The following ANK2 variants were observed in gnomAD, a reference collection of about 807,000 sequenced individuals.
The protein encoded by ANK2 is ankyrin-2.
In ANK2, 83 loss-of-function variants were observed where a neutral mutation model predicts 360.5. The ratio of observed to expected loss-of-function variants is 0.23; its 90% CI spans 0.19 to 0.28. ANK2 has a LOEUF of 0.28. Ranked by LOEUF, ANK2 falls within the 10% of genes least tolerant of loss-of-function variation. The pLI, the probability that ANK2 is intolerant of heterozygous loss-of-function variation, is 1.00. For synonymous variants in ANK2, 1,740 were observed against 1,759.5 expected (o/e 0.99, Z 0.28); for missense variants, 4,201 against 4,795.7 (o/e 0.88, Z 3.66).
At chr4:113,289,743 T>C (rs1029600958) in intron 20 of ANK2, among the ~76,000 whole-genome samples, 4 of 152,254 alleles carry the variant, frequency 2.6e-5, no homozygotes, top group African/African-American at 9.6e-5. Flanking sequence ...ACTATTAACA[T>C]TTAAGATTTA....
At position 113,049,739 on chromosome 4, in the gene ANK2, A is replaced by ACTC; in HGVS notation, c.11_12insCTC (p.Glu4delinsAspSer). The ACTC allele has an allele frequency of 6.2e-7, 1 of 1,613,570 alleles. No homozygotes were observed. Among genetic ancestry groups the ACTC allele is most frequent in the Non-Finnish European group, 8.5e-7 (1 of 1,179,654 alleles). On this transcript the variant is annotated protein_altering_variant, in exon 1 of 46. Transcript: ENST00000357077. ...TCCAAACTGTTCAAAATGATGAACG[A>ACTC]AGATGCAGCTCAGAAAAGCGACAGT... is the stretch of plus-strand genomic sequence containing the variant.
chr4:113,372,605 C>T (rs190818207), intron 43 of ANK2: 42 of 1,535,652 alleles, frequency 2.7e-5, no homozygotes, highest in East Asian at 4.9e-5. Context: ...CAGGGTTGTC[C>T]GCCGGCGAGT....
Position 113,359,015 on chromosome 4 carries a change from A to C in ANK2, c.10397A>C (p.His3466Pro), listed in dbSNP as rs1589060809. Reference protein sequence around the residue: ...GTSPTKESKEHFFDLYRNSIE... With the variant: ...GTSPTKESKEPFFDLYRNSIE... ...AGCCCCACAAAAGAAAGTAAGGAGC[A>C]TTTCTTTGACCTTTACAGAAATTCC... Residue 3466 changes from histidine to proline, a missense_variant, in exon 38 of 46, where the codon CAT becomes CCT. Coordinates refer to ENST00000357077, the MANE Select transcript of ANK2 (RefSeq NM_001148.6). 4 of 1,614,122 alleles carry C rather than the reference A, an allele frequency of 2.5e-6. No individual in the cohort carries two copies. The highest frequency in any genetic ancestry group is 3.4e-6 in the Non-Finnish European group (4 of 1,179,968).
At position 113,021,541 on chromosome 4, in the gene ANK2, C is replaced by CACACACACACACATATATATATAT. The variant is rs1489947974; in HGVS notation, c.21+117028_21+117029insCACACACACACATATATATATATA. On this transcript the variant is annotated intron_variant, in intron 2 of 30. Coordinates refer to the ANK2 transcript ENST00000503271. ...ATACACACACACACCCACACACAAA[C>CACACACACACACATATATATATAT]ATATATATATATATATATATATATA... Among the ~76,000 whole-genome samples the CACACACACACACATATATATATAT allele has an allele frequency of 4.7e-3, 449 of 95,578 alleles. 62 individuals are homozygous for CACACACACACACATATATATATAT. Among genetic ancestry groups the CACACACACACACATATATATATAT allele is most frequent in the Middle Eastern group, 0.012 (2 of 170 alleles). The allele number at this position is 95,578 out of a possible 152,430, so 62.7% of individuals were successfully genotyped here.
chr4:112,873,758 A>C, intron 1 of ANK2, among the ~76,000 whole-genome samples: 1 of 148,494 alleles, frequency 6.7e-6, no homozygotes, highest in Non-Finnish European at 1.5e-5. Context: ...GTTAGCCAGG[A>C]TGGTCTTGAT....
intron 1 of ANK2, chr4:113,117,311 A>G (rs998748892): frequency 2.2e-5 from 10 of 456,066 alleles, no homozygotes; most frequent in Middle Eastern, 3.2e-4. Context: ...TGCTGCTTCT[A>G]TTAAAAAAGT....
At chr4:113,145,784 C>T in intron 1 of ANK2, 2 of 1,242,478 alleles carry the variant, frequency 1.6e-6, no homozygotes, top group Non-Finnish European at 2.1e-6. Flanking sequence ...TGATGAATTG[C>T]CCACATTAGT....
chr4:113,301,047 CT>C (rs1448608082), intron 22 of ANK2, among the ~76,000 whole-genome samples: 1 of 152,178 alleles, frequency 6.6e-6, no homozygotes, highest in East Asian at 1.9e-4. Context: ...TCATTATAGC[CT>C]TTCAAACAAT....
chr4:112,807,310 T>C, the ANK2 span, among the ~76,000 whole-genome samples: 3 of 152,224 alleles, frequency 2.0e-5, no homozygotes, highest in Admixed American at 1.3e-4. Flanking sequence ...AGATTTCATA[T>C]TGTTTTTAAG....
intron 1 of ANK2, among the ~76,000 whole-genome samples, chr4:113,165,857 T>C (rs757970477): frequency 2.0e-5 from 3 of 152,174 alleles, no homozygotes; most frequent in Non-Finnish European, 4.4e-5. Context: ...AGTTTTAACA[T>C]GGACCTCAAA....
chr4:113,001,718 T>C (rs1415236011), intron 2 of ANK2, among the ~76,000 whole-genome samples: 1 of 152,164 alleles, frequency 6.6e-6, no homozygotes, highest in Non-Finnish European at 1.5e-5. Context: ...CCCTTCTATA[T>C]GACAGTTAGG....
intron 1 of ANK2, among the ~76,000 whole-genome samples, chr4:113,052,873 TCTGGGGATGGGGTACTC>T (rs1195470027): frequency 6.6e-6 from 1 of 152,188 alleles, no homozygotes; most frequent in Non-Finnish European, 1.5e-5. Flanking sequence ...GGTGGCTCAC[TCTGGGGATGGGGTACTC>T]CCAGAAAGCA....
chr4:113,256,780 T>C lies in ANK2; in HGVS notation c.1188+848T>C, dbSNP rs29427. 2.8e-3 allele frequency among the ~76,000 whole-genome samples: 426 copies of C among 152,346 alleles called. 4 individuals are homozygous for C. Among genetic ancestry groups the C allele is most frequent in the African/African-American group, 9.7e-3 (404 of 41,584 alleles). On this transcript the variant is annotated intron_variant, in intron 11 of 45. Coordinates refer to ENST00000357077, the MANE Select transcript of ANK2 (RefSeq NM_001148.6). ...CATTAGAATCATCAAATATTAAATA[T>C]GATTTTTACAAGAATTTTTCCATTG...
At chr4:112,848,093 C>G (rs940260543) in intron 1 of ANK2, among the ~76,000 whole-genome samples, 11 of 152,118 alleles carry the variant, frequency 7.2e-5, no homozygotes, top group African/African-American at 2.2e-4. Flanking sequence ...CCTTAGTTTC[C>G]TCATCAGAAA....
At chr4:112,757,134 C>T in the ANK2 span, among the ~76,000 whole-genome samples, 17 of 121,686 alleles carry the variant, frequency 1.4e-4, no homozygotes, top group Non-Finnish European at 2.2e-4. Context: ...TTTTTTGATA[C>T]GGAGTTTTGC....
At chr4:113,260,737 A>G (rs2052375959) in intron 13 of ANK2, among the ~76,000 whole-genome samples, 1 of 152,212 alleles carries the variant, frequency 6.6e-6, no homozygotes. Context: ...GCAATCCTAC[A>G]TTTAGAGGAA....
At chr4:113,159,761 C>CCACG (rs1036052184) in intron 1 of ANK2, among the ~76,000 whole-genome samples, 35 of 148,738 alleles carry the variant, frequency 2.4e-4, no homozygotes, top group Non-Finnish European at 6.0e-5. Context: ...GCACCCACCA[C>CCACG]CACGCCCGGC....
At chr4:113,309,881 A>G (rs1161588091) in intron 23 of ANK2, among the ~76,000 whole-genome samples, 2 of 152,180 alleles carry the variant, frequency 1.3e-5, no homozygotes, top group African/African-American at 4.8e-5. Flanking sequence ...ATATTTGATT[A>G]AAAATATATT....
At chr4:113,339,465 T>A in intron 32 of ANK2, 143 bp downstream of exon 32, 1 of 711,376 alleles carries the variant, frequency 1.4e-6, no homozygotes, top group Non-Finnish European at 2.4e-6. Flanking sequence ...TTTTATATTT[T>A]AAACTAGATC....
Sources: allele counts gnomAD v4.1 joint callset (sites outside exome capture counted in the v4.1 genomes callset), GRCh38; gene constraint gnomAD v4.1.1; transcripts MANE v1.5; gene names NCBI Gene and HGNC (gene_info 2026-07-23, HGNC 2026-07-21).